Variants in KIAA1328 observed in about 807,000 individuals in gnomAD.
KIAA1328 encodes the protein protein hinderin.
KIAA1328 carries 52 observed loss-of-function variants against 68.1 expected under a neutral mutation model. The observed-to-expected ratio is 0.76, with a 90% confidence interval of 0.61 to 0.96. KIAA1328 has a LOEUF of 0.96. KIAA1328 is among the 40% of genes least tolerant of loss of function. KIAA1328 has a pLI of 0.00. For missense variants in KIAA1328, 641 were observed against 677.6 expected, an observed-to-expected ratio of 0.95 and a Z score of 0.60; for synonymous variants, 232 against 239.4, an observed-to-expected ratio of 0.97 and a Z score of 0.28.
At chr18:37,210,203 G>C (rs772124938) in intron 9 of KIAA1328, among the ~76,000 whole-genome samples, 1 of 152,172 alleles carries the variant, frequency 6.6e-6, no homozygotes, top group African/African-American at 2.4e-5. Context: ...GGCCTTTCTT[G>C]AATTGGTAAC....
At chr18:37,101,136 C>T (rs1016684182) in intron 7 of KIAA1328, among the ~76,000 whole-genome samples, 26 of 152,208 alleles carry the variant, frequency 1.7e-4, no homozygotes, top group Non-Finnish European at 3.2e-4. Flanking sequence ...GAATGCAGCT[C>T]CTCACCAGCA....
chr18:36,866,390 A>G (rs572873915), intron 4 of KIAA1328, among the ~76,000 whole-genome samples: 4 of 152,034 alleles, frequency 2.6e-5, no homozygotes, highest in African/African-American at 9.6e-5. Context: ...TGCTCTCTTT[A>G]TCCCCCTCAG....
At chr18:36,895,118 A>G (rs994868202) in intron 5 of KIAA1328, among the ~76,000 whole-genome samples, 1 of 152,186 alleles carries the variant, frequency 6.6e-6, no homozygotes, top group Admixed American at 6.5e-5. Context: ...TAAAAATAGT[A>G]TTTGGCTCCT....
At chr18:37,095,267 C>A (rs1172681973) in intron 7 of KIAA1328, among the ~76,000 whole-genome samples, 1 of 152,212 alleles carries the variant, frequency 6.6e-6, no homozygotes, top group African/African-American at 2.4e-5. Context: ...TATCCAACAA[C>A]TACAGAATAT....
At chr18:36,897,525 T>A (rs1371210719) in intron 5 of KIAA1328, among the ~76,000 whole-genome samples, 1 of 151,796 alleles carries the variant, frequency 6.6e-6, no homozygotes, top group Non-Finnish European at 1.5e-5. Flanking sequence ...CCAACAGAAA[T>A]GGAGGTTGGA....
intron 9 of KIAA1328, among the ~76,000 whole-genome samples, chr18:37,210,598 C>G (rs542181264): frequency 1.3e-5 from 2 of 152,274 alleles, no homozygotes; most frequent in East Asian, 3.9e-4. Flanking sequence ...GACTACCACA[C>G]AGCCCCAGCA....
intron 5 of KIAA1328, among the ~76,000 whole-genome samples, chr18:36,913,479 TACACACACAC>T (rs10582262): frequency 1.7e-3 from 155 of 91,424 alleles, no homozygotes; most frequent in East Asian, 7.5e-3. Flanking sequence ...ATTACAACCT[TACACACACAC>T]ACACACACAC....
chr18:36,978,201 C>T (rs1287979786), intron 6 of KIAA1328, among the ~76,000 whole-genome samples: 2 of 152,190 alleles, frequency 1.3e-5, no homozygotes, highest in Non-Finnish European at 1.5e-5. Flanking sequence ...GTTCCTCCAG[C>T]AGTGAATTCT....
intron 1 of KIAA1328, among the ~76,000 whole-genome samples, chr18:36,831,345 C>G (rs2046485617): frequency 6.6e-6 from 1 of 152,032 alleles, no homozygotes; most frequent in Non-Finnish European, 1.5e-5. Context: ...ACATCTCCTG[C>G]ACAGTATGAT....
At chr18:37,172,348 A>G (rs747410454) in intron 8 of KIAA1328, among the ~76,000 whole-genome samples, 2 of 152,192 alleles carry the variant, frequency 1.3e-5, no homozygotes, top group Non-Finnish European at 2.9e-5. Context: ...CCATCTTTTT[A>G]TTTAGCACTC....
At chr18:37,065,550 G>C (rs923221580) in intron 6 of KIAA1328, among the ~76,000 whole-genome samples, 3 of 152,138 alleles carry the variant, frequency 2.0e-5, no homozygotes, top group South Asian at 2.1e-4. Context: ...AATTGGACTT[G>C]GAGGCCCTTT....
chr18:36,885,535 G>GTT, intron 4 of KIAA1328, 22 bp from the exon 5 acceptor site: 1 of 1,255,604 alleles, frequency 8.0e-7, no homozygotes, highest in African/African-American at 1.6e-5. Context: ...AGATGTTAAA[G>GTT]GTTTTTTTTT....
At chr18:37,057,629 G>C (rs1291436573) in intron 6 of KIAA1328, among the ~76,000 whole-genome samples, 2 of 151,536 alleles carry the variant, frequency 1.3e-5, no homozygotes, top group Admixed American at 6.6e-5. Flanking sequence ...TAGAAACGGG[G>C]TTTCACCGTG....
intron 4 of KIAA1328, among the ~76,000 whole-genome samples, chr18:36,867,052 A>G (rs1299482893): frequency 6.6e-6 from 1 of 152,176 alleles, no homozygotes; most frequent in African/African-American, 2.4e-5. Context: ...AACATGTGAT[A>G]TAGTTTGGAT....
chr18:37,103,975 C>T (rs2057699291), intron 7 of KIAA1328, among the ~76,000 whole-genome samples: 1 of 152,128 alleles, frequency 6.6e-6, no homozygotes, highest in South Asian at 2.1e-4. Flanking sequence ...GAAGTATCAT[C>T]TCACCCCAGT....
chr18:37,130,755 C>T (rs1391892605), intron 7 of KIAA1328, among the ~76,000 whole-genome samples: 1 of 152,114 alleles, frequency 6.6e-6, no homozygotes, highest in African/African-American at 2.4e-5. Flanking sequence ...TCTTAAAATG[C>T]CCCATGGATA....
intron 7 of KIAA1328, among the ~76,000 whole-genome samples, chr18:37,097,402 C>T (rs1188762343): frequency 6.6e-6 from 1 of 152,132 alleles, no homozygotes; most frequent in Non-Finnish European, 1.5e-5. Context: ...GGCATTATTT[C>T]TGAGGGCTCT....
chr18:37,133,987 C>G (rs998946078), intron 7 of KIAA1328, among the ~76,000 whole-genome samples: 1 of 151,838 alleles, frequency 6.6e-6, no homozygotes, highest in Non-Finnish European at 1.5e-5. Flanking sequence ...CAGCAATTCT[C>G]AAGCATTGTG....
At chr18:36,954,687 C>CTTTTTTTTTTTTTTTTTTTTTTTT (rs35883053) in intron 5 of KIAA1328, among the ~76,000 whole-genome samples, 1 of 121,076 alleles carries the variant, frequency 8.3e-6, no homozygotes. Context: ...AAAGACTTCA[C>CTTTTTTTTTTTTTTTTTTTTTTTT]TTTTTTTTTT....
Sources: gnomAD v4.1 joint callset for allele counts (sites outside exome capture counted in the v4.1 genomes callset) on GRCh38, gnomAD v4.1.1 for gene constraint, MANE v1.5 for transcripts, NCBI Gene and HGNC (gene_info 2026-07-23, HGNC 2026-07-21) for gene names.